The following BOC variants were observed in gnomAD, a reference collection of about 807,000 sequenced individuals.
BOC encodes BOC cell adhesion associated, oncogene regulated.
In BOC, 76 loss-of-function variants were observed where a neutral mutation model predicts 112.0. The ratio of observed to expected loss-of-function variants is 0.68; its 90% confidence interval spans 0.56 to 0.82. The LOEUF is 0.82. Among genes scored for constraint, BOC ranks in the 40% least tolerant of loss-of-function variants. The pLI, the probability that BOC is intolerant of heterozygous loss-of-function variation, is 0.00. For synonymous variants in BOC, 580 were observed against 599.8 expected, an observed-to-expected ratio of 0.97 and a Z score of 0.48; for missense variants, 1,309 against 1,511.7, an observed-to-expected ratio of 0.87 and a Z score of 2.22.
At chr3:113,284,635 G>A (rs1048563799) in intron 17 of BOC, 68 bp downstream of exon 17, 57 of 1,546,062 alleles carry the variant, frequency 3.7e-5, no homozygotes, top group Non-Finnish European at 5.0e-5. Context: ...GCTGCCTTGG[G>A]GGGCCTCCTC....
intron 6 of BOC, chr3:113,271,910 G>A: frequency 5.7e-6 from 1 of 176,762 alleles, no homozygotes; most frequent in Non-Finnish European, 1.2e-5. Context: ...AAATGCATGT[G>A]TTTAAACAGT....
chr3:113,256,802 A>G (rs1946273984), intron 4 of BOC, among the ~76,000 whole-genome samples: 2 of 151,802 alleles, frequency 1.3e-5, no homozygotes, highest in East Asian at 1.9e-4. Flanking sequence ...TTAATTTTGT[A>G]TATGTATAAT....
intron 2 of BOC, among the ~76,000 whole-genome samples, chr3:113,228,252 G>C (rs978289877): frequency 2.0e-5 from 3 of 152,248 alleles, no homozygotes; most frequent in African/African-American, 7.2e-5. Context: ...CACCATCCTG[G>C]GGGGACGGGG....
chr3:113,220,559 C>G (rs567413940), intron 2 of BOC, among the ~76,000 whole-genome samples: 3 of 152,132 alleles, frequency 2.0e-5, no homozygotes, highest in Non-Finnish European at 4.4e-5. Context: ...AGCCCAAGGC[C>G]ATTGGCTTCT....
At chr3:113,252,273 T>C (rs1383248031) in intron 4 of BOC, among the ~76,000 whole-genome samples, 1 of 152,188 alleles carries the variant, frequency 6.6e-6, no homozygotes, top group African/African-American at 2.4e-5. Context: ...ATTTAAACTT[T>C]GAGAAGATTT....
rs570748418 is a variant in BOC, at chr3:113,278,181, G to C, written c.1629G>C (p.Gly543=). 1.2e-6 allele frequency: 2 copies of C among 1,614,098 alleles called. No homozygotes were observed. The highest frequency in any genetic ancestry group is 1.3e-5 in the African/African-American group (1 of 74,916). ...HRLTLTRLDP[G]SLYEVEMAAY... ...TGACCCTCACCAGACTTGACCCCGGGAGCTTGTATGAAGTGGAGATGGCAG... is the reference window on the plus strand; with the variant it reads ...TGACCCTCACCAGACTTGACCCCGGCAGCTTGTATGAAGTGGAGATGGCAG... The change falls in exon 10 of 20, where the codon GGG becomes GGC. Residue 543 remains glycine (G), a synonymous_variant. Transcript: ENST00000682979. The surrounding 1 kb of genome is among the most constrained non-coding windows in gnomAD (Gnocchi z 4.2).
chr3:113,235,170 C>T (rs961539269), intron 2 of BOC, among the ~76,000 whole-genome samples: 1 of 152,170 alleles, frequency 6.6e-6, no homozygotes, highest in African/African-American at 2.4e-5. Context: ...TTAAACACTT[C>T]CTTTTACATG....
At chr3:113,252,957 T>C (rs1243646174) in intron 4 of BOC, among the ~76,000 whole-genome samples, 1 of 152,146 alleles carries the variant, frequency 6.6e-6, no homozygotes, top group Non-Finnish European at 1.5e-5. Flanking sequence ...GGTCATCTCA[T>C]CACGTCAAGA....
chr3:113,250,740 G>C lies in BOC; in HGVS notation c.283G>C (p.Ala95Pro). 6.2e-7 allele frequency: 1 copy of C among 1,614,140 alleles called. No individual in the cohort carries two copies. Among genetic ancestry groups the C allele is most frequent in the Non-Finnish European group, 8.5e-7 (1 of 1,180,022 alleles). ...LITHGTLVIT[A>P]LNNHTVGRYQ... ...CACCCACGGGACCCTCGTCATCACT[G>C]CCCTTAACAACCACACTGTGGGACG... The change falls in exon 4 of 20, where the codon GCC becomes CCC. Residue 95 changes from alanine (A) to proline (P), a missense_variant. By Grantham distance (27) the Ala-to-Pro change is conservative. Coordinates refer to ENST00000682979, the MANE Select transcript of BOC (RefSeq NM_001378074.1).
chr3:113,259,902 A>G (rs1946630596), intron 4 of BOC, among the ~76,000 whole-genome samples: 1 of 152,174 alleles, frequency 6.6e-6, no homozygotes, highest in Admixed American at 6.5e-5. Flanking sequence ...AGCTGGCAGC[A>G]TCTTCCTCTC....
At chr3:113,224,009 C>T (rs1941216802) in intron 2 of BOC, among the ~76,000 whole-genome samples, 1 of 152,236 alleles carries the variant, frequency 6.6e-6, no homozygotes, top group Non-Finnish European at 1.5e-5. Flanking sequence ...CTGTGCAGAC[C>T]TTCCCATCCC....
chr3:113,270,661 T>C, intron 5 of BOC, 140 bp from the exon 6 acceptor site: 1 of 927,546 alleles, frequency 1.1e-6, no homozygotes, highest in South Asian at 1.7e-5. Flanking sequence ...GGCTTTGTCT[T>C]GTGGGGACTC....
intron 7 of BOC, 72 bp downstream of exon 7, chr3:113,272,775 C>T: frequency 6.5e-7 from 1 of 1,530,434 alleles, no homozygotes; most frequent in Non-Finnish European, 8.9e-7. Context: ...AGAAATGTAA[C>T]CCAGGCTCAC....
Position 113,274,609 on chromosome 3 carries a change from A to T in BOC, c.1469A>T (p.Glu490Val), listed in dbSNP as rs141826592. Residue 490 changes from glutamate (E) to valine (V), a missense_variant, in exon 9 of 20, where the codon GAA becomes GTA. Glu to Val is a moderately radical substitution (Grantham distance 121, BLOSUM62 -2). Coordinates refer to ENST00000682979, the MANE Select transcript of BOC (RefSeq NM_001378074.1). The surrounding 1 kb of genome is among the most constrained non-coding windows in gnomAD (Gnocchi z 4.8). ...CGCACCTCCAAGACAGACTCATATG[A>T]ACTGGTGTGGCGGCCTCGGCATGAG... ...SPRTSKTDSY[E>V]LVWRPRHEGS... The T allele has an allele frequency of 3.0e-4, 489 of 1,613,386 alleles. 2 individuals are homozygous for T. The Admixed American group carries it at 7.2e-3, about 24-fold the overall frequency.
At position 113,287,039 on chromosome 3, in the gene BOC, C is replaced by A; in HGVS notation, c.*177C>A. 2 of 776,330 alleles carry A rather than the reference C, an allele frequency of 2.6e-6. No homozygotes were observed. Among genetic ancestry groups the A allele is most frequent in the Non-Finnish European group, 4.2e-6 (2 of 473,788 alleles). The allele number at this position is 776,330 out of a possible 1,614,324, so 48.1% of individuals were successfully genotyped here. On this transcript the variant is annotated 3_prime_UTR_variant, in exon 20 of 20. Transcript: ENST00000682979. ...TTCTGGAGAGACATAAGGAGTCCTA[C>A]CCGTTGAGGTTGGAGAGGGAAAATA... is the stretch of plus-strand genomic sequence containing the variant.
chr3:113,268,151 G>T (rs938046834), intron 4 of BOC, 148 bp from the exon 5 acceptor site: 1 of 1,252,530 alleles, frequency 8.0e-7, no homozygotes, highest in African/African-American at 1.5e-5. Flanking sequence ...AGACAACAAG[G>T]GGCTGGAGGA....
At chr3:113,279,739 C>A in intron 12 of BOC, 85 bp from the exon 13 acceptor site, 1 of 1,421,408 alleles carries the variant, frequency 7.0e-7, no homozygotes, top group Non-Finnish European at 9.5e-7. Flanking sequence ...CAGAAGACCC[C>A]TCCAGGTCCT....
At chr3:113,230,900 G>A (rs910249471) in intron 2 of BOC, among the ~76,000 whole-genome samples, 5 of 152,116 alleles carry the variant, frequency 3.3e-5, no homozygotes, top group Non-Finnish European at 5.9e-5. Context: ...ACTAAACAAA[G>A]CAATTTCAGA....
intron 2 of BOC, among the ~76,000 whole-genome samples, chr3:113,225,144 C>T (rs1437829305): frequency 6.6e-6 from 1 of 151,206 alleles, no homozygotes; most frequent in East Asian, 1.9e-4. Flanking sequence ...TGTGGTGGTG[C>T]ACGCCTGTAA....
Sources: allele counts gnomAD v4.1 joint callset (sites outside exome capture counted in the v4.1 genomes callset), GRCh38; gene constraint gnomAD v4.1.1; non-coding constraint Gnocchi (gnomAD v3.1); transcripts MANE v1.5; gene names NCBI Gene and HGNC (gene_info 2026-07-23, HGNC 2026-07-21).